FAF1: variants seen among roughly 807,000 people sequenced by gnomAD.
FAF1 encodes the protein FAS-associated factor 1.
In FAF1, 25 loss-of-function variants were observed where a neutral mutation model predicts 92.5. The ratio of observed to expected loss-of-function variants is 0.27; its 90% CI spans 0.20 to 0.38. The LOEUF is 0.38. FAF1 is among the 10% of genes least tolerant of loss of function. FAF1 has a pLI of 1.00. For missense variants in FAF1, 636 were observed against 793.3 expected (o/e 0.80, Z 2.38); for synonymous variants, 234 against 273.2 (o/e 0.86, Z 1.42).
intron 8 of FAF1, among the ~76,000 whole-genome samples, chr1:50,607,835 A>C (rs1652497460): frequency 6.6e-6 from 1 of 152,222 alleles, no homozygotes; most frequent in Middle Eastern, 3.2e-3. Context: ...GGAGACCCAG[A>C]ATCCCAGGTG....
chr1:50,867,225 T>C (rs2124676409), intron 1 of FAF1, among the ~76,000 whole-genome samples: 1 of 152,228 alleles, frequency 6.6e-6, no homozygotes, highest in Middle Eastern at 3.4e-3. Context: ...CCTGAAACCG[T>C]ACAACTCAAG....
intron 6 of FAF1, among the ~76,000 whole-genome samples, chr1:50,732,175 C>T (rs1019696051): frequency 1.3e-5 from 2 of 151,988 alleles, no homozygotes; most frequent in Admixed American, 6.6e-5. Context: ...CCCAGGTTCA[C>T]GCCATTCTCC....
chr1:50,767,181 G>A (rs1462697656), intron 4 of FAF1, among the ~76,000 whole-genome samples: 1 of 152,140 alleles, frequency 6.6e-6, no homozygotes, highest in South Asian at 2.1e-4. Flanking sequence ...AGACAATCCA[G>A]TATTAACATC....
At chr1:50,646,166 T>G (rs920236240) in intron 8 of FAF1, among the ~76,000 whole-genome samples, 5 of 152,210 alleles carry the variant, frequency 3.3e-5, no homozygotes, top group African/African-American at 1.2e-4. Context: ...TAAATAATAG[T>G]AATGTTAGGA....
At chr1:50,748,707 A>C (rs116534888) in intron 4 of FAF1, among the ~76,000 whole-genome samples, 2,461 of 152,312 alleles carry the variant, frequency 0.016, 43 homozygotes, top group Non-Finnish European at 0.021. Flanking sequence ...TATCTTTCAT[A>C]TATCTGCTTA....
chr1:50,644,743 C>T (rs915482152), intron 8 of FAF1, among the ~76,000 whole-genome samples: 2 of 152,200 alleles, frequency 1.3e-5, no homozygotes, highest in African/African-American at 2.4e-5. Context: ...GTATTTTATC[C>T]TGTCTTGCAG....
intron 4 of FAF1, among the ~76,000 whole-genome samples, chr1:50,774,183 A>G (rs369359287): frequency 6.6e-6 from 1 of 152,174 alleles, no homozygotes; most frequent in Non-Finnish European, 1.5e-5. Flanking sequence ...TCTTCCCCCA[A>G]AATACAAGCT....
intron 17 of FAF1, among the ~76,000 whole-genome samples, chr1:50,484,852 G>GT (rs915128974): frequency 5.4e-5 from 8 of 148,400 alleles, no homozygotes; most frequent in African/African-American, 7.4e-5. Flanking sequence ...TAAAACTATT[G>GT]TTTTTTTTAA....
rs773578602 is a variant in FAF1, at chr1:50,960,184, C to CCGAG, written c.-377_-374dup. ...GTTAAGCCCGGCGGGGGCGGGGAAACCGAGCGAGCGAGCGGGCGGGCGAAC... is the reference window on the plus strand; with the variant it reads ...GTTAAGCCCGGCGGGGGCGGGGAAACCGAGCGAGCGAGCGAGCGGGCGGGCGAAC... On this transcript the variant is annotated 5_prime_UTR_variant, in exon 1 of 19. Transcript: ENST00000396153. 2.3e-4 allele frequency: 70 copies of CCGAG among 310,922 alleles called. No homozygotes were observed. In the South Asian group the frequency reaches 2.5e-3, roughly 11 times the overall value. 19.3% of individuals were successfully genotyped at this position (310,922 alleles called of 1,614,324 possible). A position where few individuals can be genotyped will look rare whatever the true frequency, so the allele number is the denominator to read the frequency against.
At chr1:50,776,491 T>C (rs1660966810) in intron 4 of FAF1, among the ~76,000 whole-genome samples, 1 of 152,160 alleles carries the variant, frequency 6.6e-6, no homozygotes, top group African/African-American at 2.4e-5. Flanking sequence ...AAGCCAGCCA[T>C]TTCTGATCAC....
Position 50,440,506 on chromosome 1 carries a change from TCATCAGATTTTGTTGATAGG to T in FAF1, c.*914_*933del, listed in dbSNP as rs1223523990. 1 of 152,248 alleles carries T rather than the reference TCATCAGATTTTGTTGATAGG, an allele frequency of 6.6e-6. No homozygotes were observed. Among genetic ancestry groups the T allele is most frequent in the Non-Finnish European group, 1.5e-5 (1 of 68,044 alleles). 9.4% of individuals were successfully genotyped at this position (152,248 alleles called of 1,614,324 possible). ...ATTACAGGAGAGTCCATGGGGCTGC[TCATCAGATTTTGTTGATAGG>T]CAAGGTGCTTAAACACCAAGTGACA... On this transcript the variant is annotated 3_prime_UTR_variant, in exon 19 of 19. Transcript: ENST00000396153.
Position 50,535,392 on chromosome 1 carries a change from G to T in FAF1, c.1471C>A (p.Gln491Lys). 1.2e-6 allele frequency: 2 copies of T among 1,610,662 alleles called. No individual in the cohort carries two copies. The highest frequency in any genetic ancestry group is 2.2e-5 in the South Asian group (2 of 90,888). Residue 491 changes from glutamine to lysine, a missense_variant, in exon 15 of 19, where the codon CAA (glutamine) becomes AAA (lysine). Gln to Lys is a moderately conservative substitution (Grantham distance 53). Around this residue, in one of 2 missense-constraint regions of FAF1, gnomAD observed 319 missense variants for 451.0 expected, o/e 0.71. Transcript: ENST00000396153. Reference protein sequence around the residue: ...MAAMEIFTAQQQEDIKDEDER... With the variant: ...MAAMEIFTAQKQEDIKDEDER... ...ACCTCGTCCTTTATATCTTCCTGTT[G>T]TTGGGCTGTGAAGATCTCCATTGCA...
At chr1:50,626,203 A>G (rs921164835) in intron 8 of FAF1, among the ~76,000 whole-genome samples, 3 of 152,318 alleles carry the variant, frequency 2.0e-5, no homozygotes, top group Admixed American at 2.0e-4. Flanking sequence ...AACTGACAAC[A>G]ATGTCACAGT....
chr1:50,484,493 G>T (rs1646740523), intron 17 of FAF1, among the ~76,000 whole-genome samples: 3 of 151,904 alleles, frequency 2.0e-5, no homozygotes, highest in African/African-American at 7.3e-5. Flanking sequence ...TTTATGTATT[G>T]GCACCTACCT....
At chr1:50,562,058 G>A (rs1280818612) in intron 13 of FAF1, among the ~76,000 whole-genome samples, 1 of 152,156 alleles carries the variant, frequency 6.6e-6, no homozygotes, top group African/African-American at 2.4e-5. Context: ...CCTGACTGAG[G>A]CAAGAGAAGG....
intron 9 of FAF1, among the ~76,000 whole-genome samples, chr1:50,591,998 T>G (rs1052267990): frequency 6.6e-6 from 1 of 152,172 alleles, no homozygotes; most frequent in Non-Finnish European, 1.5e-5. Flanking sequence ...AAATAACTAT[T>G]CTGTGTCTGT....
At chr1:50,858,091 A>C in intron 1 of FAF1, 94 bp from the exon 2 acceptor site, 1 of 825,718 alleles carries the variant, frequency 1.2e-6, no homozygotes, top group Non-Finnish European at 1.9e-6. Context: ...ATGTAATTTA[A>C]ATTCAAATAG....
chr1:50,457,576 T>C (rs1028394307), intron 18 of FAF1, among the ~76,000 whole-genome samples: 6 of 152,008 alleles, frequency 3.9e-5, no homozygotes, highest in Non-Finnish European at 1.5e-5. Context: ...AGATTGTATG[T>C]ACAGCCTTCA....
intron 18 of FAF1, among the ~76,000 whole-genome samples, chr1:50,472,422 C>CACACACACACAA (rs1646587578): frequency 7.6e-6 from 1 of 131,292 alleles, no homozygotes; most frequent in African/African-American, 2.8e-5. Context: ...CACACACACA[C>CACACACACACAA]AAACCCCAAA....
Sources: gnomAD v4.1 joint callset for allele counts (sites outside exome capture counted in the v4.1 genomes callset) on GRCh38, gnomAD v4.1.1 for gene constraint, gnomAD v4.1.1 regional missense constraint, MANE v1.5 for transcripts, NCBI Gene and HGNC (gene_info 2026-07-23, HGNC 2026-07-21) for gene names.